Variants in NUDT3 observed in about 807,000 individuals in gnomAD.
The protein encoded by NUDT3 is nudix hydrolase 3, also known as diphosphoinositol polyphosphate phosphohydrolase 1.
Under a neutral mutation model 23.6 loss-of-function variants are expected in NUDT3, and 9 were observed. That is an observed-to-expected ratio of 0.38 (90% CI 0.23 to 0.66). The LOEUF is 0.66. Ranked by LOEUF, NUDT3 falls within the 30% of genes least tolerant of loss-of-function variation. NUDT3 has a pLI of 0.52. For synonymous variants in NUDT3, 86 were observed against 82.6 expected (o/e 1.04, Z -0.22); for missense variants, 172 against 218.5 (o/e 0.79, Z 1.34).
At chr6:34,325,267 C>T (rs1052356249) in intron 2 of NUDT3, among the ~76,000 whole-genome samples, 7 of 152,046 alleles carry the variant, frequency 4.6e-5, no homozygotes, top group South Asian at 4.1e-4. Context: ...GGGTCTCGAT[C>T]TGTTGCCCAT....
rs550140875 is a variant in NUDT3 at position 34,292,236 on chromosome 6, A to T, written c.340+1215T>A. On this transcript the variant is annotated intron_variant, in intron 4 of 4. Coordinates refer to ENST00000607016, the MANE Select transcript of NUDT3 (RefSeq NM_006703.4). ...TCCTTGAGCACCCTGCATTATTACT[A>T]GACACAAAGCCATCAAGAGCCAAAG... Among the ~76,000 whole-genome samples the T allele has an allele frequency of 6.6e-5, 10 of 152,286 alleles. No homozygotes were observed. In the East Asian group the frequency reaches 1.9e-3, roughly 29 times the overall value.
chr6:34,380,296 C>T (rs1764992449), intron 1 of NUDT3, among the ~76,000 whole-genome samples: 1 of 151,946 alleles, frequency 6.6e-6, no homozygotes, highest in South Asian at 2.1e-4. Flanking sequence ...AGGTGATCCA[C>T]CCTCCTCGGC....
rs1050813375 is a variant in NUDT3 at position 34,392,495 on chromosome 6, C to T, written c.-133G>A. ...AGGGAGGGGGAGCTTCTCCGCTACA[C>T]GGCTCCGCCGCTGGCCCGCCGCGGC... On this transcript the variant is annotated 5_prime_UTR_variant, in exon 1 of 5. In the 5' UTR this introduces an upstream ATG that the reference lacks. Transcript: ENST00000607016. 2 of 552,082 alleles carry T rather than the reference C, an allele frequency of 3.6e-6. No individual in the cohort carries two copies. Among genetic ancestry groups the T allele is most frequent in the Non-Finnish European group, 6.2e-6 (2 of 324,318 alleles). The allele number at this position is 552,082 out of a possible 1,614,324, so 34.2% of individuals were successfully genotyped here.
intron 1 of NUDT3, among the ~76,000 whole-genome samples, chr6:34,372,736 A>T (rs1162111915): frequency 6.6e-6 from 1 of 151,416 alleles, no homozygotes; most frequent in East Asian, 2.0e-4. Context: ...CCCAGGAGGC[A>T]GAGGTTGTGG....
At chr6:34,327,035 G>C (rs185838867) in intron 2 of NUDT3, among the ~76,000 whole-genome samples, 2 of 151,836 alleles carry the variant, frequency 1.3e-5, no homozygotes, top group Non-Finnish European at 2.9e-5. Flanking sequence ...CGCGGAGACC[G>C]GTAGTGGCCC....
intron 1 of NUDT3, among the ~76,000 whole-genome samples, chr6:34,378,070 A>G (rs1052157058): frequency 6.6e-6 from 1 of 151,738 alleles, no homozygotes; most frequent in Non-Finnish European, 1.5e-5. Context: ...ACTTTGGGAG[A>G]TCTAGGCAGG....
At chr6:34,371,834 G>A (rs990537677) in intron 1 of NUDT3, among the ~76,000 whole-genome samples, 2 of 152,148 alleles carry the variant, frequency 1.3e-5, no homozygotes, top group Non-Finnish European at 2.9e-5. Flanking sequence ...CCATGTTGGT[G>A]TGCTGCACCC....
intron 1 of NUDT3, among the ~76,000 whole-genome samples, chr6:34,353,159 C>T (rs1036525563): frequency 1.3e-5 from 2 of 152,108 alleles, no homozygotes; most frequent in African/African-American, 4.8e-5. Context: ...TTTTCTTTCC[C>T]CTTTGTCAAC....
intron 2 of NUDT3, among the ~76,000 whole-genome samples, chr6:34,306,764 A>AT (rs1763687267): frequency 6.6e-6 from 1 of 152,258 alleles, no homozygotes; most frequent in African/African-American, 2.4e-5. Context: ...CATTCAATGT[A>AT]TTATAACACA....
At chr6:34,348,928 T>C (rs1764425541) in intron 1 of NUDT3, among the ~76,000 whole-genome samples, 1 of 151,978 alleles carries the variant, frequency 6.6e-6, no homozygotes, top group African/African-American at 2.4e-5. Flanking sequence ...GGTGCAATCG[T>C]GGCTTACTGC....
chr6:34,370,611 C>A (rs1214103216), intron 1 of NUDT3, among the ~76,000 whole-genome samples: 1 of 152,184 alleles, frequency 6.6e-6, no homozygotes, highest in Non-Finnish European at 1.5e-5. Flanking sequence ...AAACCAATGT[C>A]CAACTTCCTT....
chr6:34,351,215 A>AAAAAAAAAAAAAAAAAAC (rs1561915121), intron 1 of NUDT3, among the ~76,000 whole-genome samples: 1 of 136,870 alleles, frequency 7.3e-6, no homozygotes, highest in Non-Finnish European at 1.6e-5. Flanking sequence ...AAAAAAAAAA[A>AAAAAAAAAAAAAAAAAAC]AAAAAAAAAA....
chr6:34,302,789 A>C (rs1221225477), intron 2 of NUDT3, among the ~76,000 whole-genome samples: 1 of 152,206 alleles, frequency 6.6e-6, no homozygotes, highest in Non-Finnish European at 1.5e-5. Context: ...GCATAAAATT[A>C]CAGTCACATA....
In NUDT3 at chr6:34,392,623, C is replaced by CCGA. The variant is rs1292187877; in HGVS notation, c.-264_-262dup. The stretch of plus-strand genomic sequence containing the variant: ...GCCGCCCCCTCTGCCGCCGCCACCC[C>CCGA]CGACGACGACCGCGCCGCCATCTTG... On this transcript the variant is annotated 5_prime_UTR_variant, in exon 1 of 5. Coordinates refer to ENST00000607016, the MANE Select transcript of NUDT3 (RefSeq NM_006703.4). 3.9e-6 allele frequency: 1 copy of CCGA among 255,902 alleles called. No homozygotes were observed. The highest frequency in any genetic ancestry group is 7.4e-6 in the Non-Finnish European group (1 of 135,370). 15.9% of individuals were successfully genotyped at this position (255,902 alleles called of 1,614,324 possible).
Position 34,323,218 on chromosome 6 carries a change from C to T in NUDT3, c.210+18644G>A, listed in dbSNP as rs544532799. Among the ~76,000 whole-genome samples, 15 of 151,938 alleles carry T rather than the reference C, an allele frequency of 9.9e-5. No homozygotes were observed. The South Asian group carries it at 2.7e-3, about 27-fold the overall frequency. On this transcript the variant is annotated intron_variant, in intron 2 of 4. Coordinates refer to ENST00000607016, the MANE Select transcript of NUDT3 (RefSeq NM_006703.4). Reference sequence around the variant, plus strand: ...GCAATATACCCATGTGCACATGTATCCCCCAAATCTAAATTTTAAAATGGA... The same window carrying T: ...GCAATATACCCATGTGCACATGTATTCCCCAAATCTAAATTTTAAAATGGA...
rs1324675298 is a variant in NUDT3, at chr6:34,286,786, AAAATTT to A, written c.*1961_*1966del. 1 of 147,790 alleles carries A rather than the reference AAAATTT, an allele frequency of 6.8e-6. No homozygotes were observed. The highest frequency in any genetic ancestry group is 1.5e-5 in the Non-Finnish European group (1 of 66,252). 9.2% of individuals were successfully genotyped at this position (147,790 alleles called of 1,614,324 possible). On this transcript the variant is annotated 3_prime_UTR_variant, in exon 5 of 5. Coordinates refer to ENST00000607016, the MANE Select transcript of NUDT3 (RefSeq NM_006703.4). Reference sequence around the variant, plus strand: ...AGAGTATATAGCAAAAAAAAAAAAAAAAATTTTTTTTTTTTTTTTTTGAGATGGAGT... The same window carrying A: ...AGAGTATATAGCAAAAAAAAAAAAAATTTTTTTTTTTTTTTGAGATGGAGT...
intron 1 of NUDT3, among the ~76,000 whole-genome samples, chr6:34,378,591 A>G (rs1297195117): frequency 6.6e-6 from 1 of 152,222 alleles, no homozygotes; most frequent in Non-Finnish European, 1.5e-5. Context: ...AGATAGGCCC[A>G]CACTATGAGC....
Position 34,379,116 on chromosome 6 carries a change from C to A in NUDT3, c.99+13148G>T, listed in dbSNP as rs182211091. On this transcript the variant is annotated intron_variant, in intron 1 of 4. Transcript: ENST00000607016. ...TTTCTTTTCATTAGCACAACAGCTC[C>A]ATGATCTGTATAGACTCATGGAAAA... Among the ~76,000 whole-genome samples, 24 of 152,324 alleles carry A rather than the reference C, an allele frequency of 1.6e-4. No individual in the cohort carries two copies. The East Asian group carries it at 4.6e-3, about 29-fold the overall frequency.
chr6:34,392,136 A>T (rs902544669), intron 1 of NUDT3, 128 bp downstream of exon 1: 3 of 649,770 alleles, frequency 4.6e-6, no homozygotes, highest in Non-Finnish European at 7.5e-6. Flanking sequence ...AGGAAATTCC[A>T]TCGGAACTTC....
Sources: gnomAD v4.1 joint callset for allele counts (sites outside exome capture counted in the v4.1 genomes callset) on GRCh38, gnomAD v4.1.1 for gene constraint, MANE v1.5 for transcripts, NCBI Gene and HGNC (gene_info 2026-07-23, HGNC 2026-07-21) for gene names.